Variants in TNFSF15 observed in about 807,000 individuals in gnomAD.
TNFSF15 encodes the protein tumor necrosis factor ligand superfamily member 15.
Under a neutral mutation model 26.4 loss-of-function variants are expected in TNFSF15, and 15 were observed. The ratio of observed to expected loss-of-function variants is 0.57; its 90% CI spans 0.38 to 0.87. The LOEUF (loss-of-function observed/expected upper bound fraction) is 0.87, where lower values mean the gene tolerates loss of function less well. Among genes scored for constraint, TNFSF15 ranks in the 40% least tolerant of loss-of-function variants. TNFSF15 has a pLI of 0.00. For synonymous variants in TNFSF15, 116 were observed against 115.0 expected (o/e 1.01, Z -0.06); for missense variants, 290 against 306.1 (o/e 0.95, Z 0.39).
rs553508023 is a variant in TNFSF15, at chr9:114,785,311, C to T, written c.*5141G>A. 1.7e-4 allele frequency: 26 copies of T among 152,214 alleles called. No individual in the cohort carries two copies. The highest frequency in any genetic ancestry group is 2.4e-4 in the Non-Finnish European group (16 of 68,038). 9.4% of individuals were successfully genotyped at this position (152,214 alleles called of 1,614,324 possible). ...TAACTTGGAATAAACTCCGCAGATA[C>T]TGTCATTTCTAAAATTCCATGACAT... On this transcript the variant is annotated 3_prime_UTR_variant, in exon 4 of 4. Coordinates refer to ENST00000374045, the MANE Select transcript of TNFSF15 (RefSeq NM_005118.4).
chr9:114,786,911 CAAAAAAAAAAAA>C lies in TNFSF15; in HGVS notation c.*3529_*3540del, dbSNP rs11429963. 1.2e-5 allele frequency: 1 copy of C among 80,324 alleles called. No homozygotes were observed. The highest frequency in any genetic ancestry group is 2.4e-5 in the Non-Finnish European group (1 of 41,364). 5.0% of individuals were successfully genotyped at this position (80,324 alleles called of 1,614,324 possible). A position where few individuals can be genotyped will look rare whatever the true frequency, so the allele number is the denominator to read the frequency against. On this transcript the variant is annotated 3_prime_UTR_variant, in exon 4 of 4. Transcript: ENST00000374045. ...TGGGTGACAAAGCAAGACTCTGTCTCAAAAAAAAAAAAAAAAAAAAAGAAAAAGAAATTTTAG... is the reference window on the plus strand; with the variant it reads ...TGGGTGACAAAGCAAGACTCTGTCTCAAAAAAAAAGAAAAAGAAATTTTAG...
At position 114,787,723 on chromosome 9, in the gene TNFSF15, A is replaced by G. The variant is rs1156263279; in HGVS notation, c.*2729T>C. Reference sequence around the variant, plus strand: ...ATGCCTTGGGAACAGAAGTTCTGACATGAGCCCTATTAGGAATGTCTGACT... The same window carrying G: ...ATGCCTTGGGAACAGAAGTTCTGACGTGAGCCCTATTAGGAATGTCTGACT... On this transcript the variant is annotated 3_prime_UTR_variant, in exon 4 of 4. Transcript: ENST00000374045. 6.5e-6 allele frequency: 1 copy of G among 153,774 alleles called. No homozygotes were observed. Among genetic ancestry groups the G allele is most frequent in the African/African-American group, 2.4e-5 (1 of 41,472 alleles). 9.5% of individuals were successfully genotyped at this position (153,774 alleles called of 1,614,324 possible). A position where few individuals can be genotyped will look rare whatever the true frequency, so the allele number is the denominator to read the frequency against.
intron 1 of TNFSF15, among the ~76,000 whole-genome samples, chr9:114,795,456 T>C (rs1261418581): frequency 6.6e-6 from 1 of 152,118 alleles, no homozygotes; most frequent in Non-Finnish European, 1.5e-5. Context: ...ATAATGCAAA[T>C]AACAAACAAT....
chr9:114,801,446 C>T (rs1438370528), intron 1 of TNFSF15, among the ~76,000 whole-genome samples: 3 of 152,104 alleles, frequency 2.0e-5, no homozygotes, highest in Non-Finnish European at 4.4e-5. Flanking sequence ...AAACATGGAC[C>T]AAGAAAATCC....
chr9:114,791,106 G>T, intron 3 of TNFSF15, 200 bp from the exon 4 acceptor site: 1 of 629,224 alleles, frequency 1.6e-6, no homozygotes, highest in Non-Finnish European at 2.8e-6. Flanking sequence ...TTGGACTAGT[G>T]ACCTGGGGCA....
intron 1 of TNFSF15, among the ~76,000 whole-genome samples, chr9:114,794,348 A>C (rs575931776): frequency 6.6e-6 from 1 of 152,346 alleles, no homozygotes; most frequent in South Asian, 2.1e-4. Flanking sequence ...CCTGAGCATA[A>C]AGCTTAATAG....
rs988321190 is a variant in TNFSF15, at chr9:114,785,303, C to T, written c.*5149G>A. 7 of 152,176 alleles carry T rather than the reference C, an allele frequency of 4.6e-5. No homozygotes were observed. Among genetic ancestry groups the T allele is most frequent in the Admixed American group, 2.0e-4 (3 of 15,278 alleles). The allele number at this position is 152,176 out of a possible 1,614,324, so 9.4% of individuals were successfully genotyped here. A position where few individuals can be genotyped will look rare whatever the true frequency, so the allele number is the denominator to read the frequency against. On this transcript the variant is annotated 3_prime_UTR_variant, in exon 4 of 4. Transcript: ENST00000374045. ...AAATGATATAACTTGGAATAAACTCCGCAGATACTGTCATTTCTAAAATTC... is the reference window on the plus strand; with the variant it reads ...AAATGATATAACTTGGAATAAACTCTGCAGATACTGTCATTTCTAAAATTC...
chr9:114,796,773 T>C (rs1818058705), intron 1 of TNFSF15, among the ~76,000 whole-genome samples: 2 of 152,188 alleles, frequency 1.3e-5, no homozygotes, highest in Non-Finnish European at 2.9e-5. Flanking sequence ...ATGGGAGTAG[T>C]TGGAAAACAT....
chr9:114,798,102 T>C (rs1327108255), intron 1 of TNFSF15, among the ~76,000 whole-genome samples: 1 of 152,206 alleles, frequency 6.6e-6, no homozygotes, highest in Non-Finnish European at 1.5e-5. Flanking sequence ...ATGTTTGTCA[T>C]TTAGTACGAG....
At chr9:114,793,120 A>C (rs1829628296) in intron 2 of TNFSF15, among the ~76,000 whole-genome samples, 1 of 152,204 alleles carries the variant, frequency 6.6e-6, no homozygotes, top group South Asian at 2.1e-4. Flanking sequence ...AAAAGCAAAA[A>C]TGAAGTGCAT....
At chr9:114,794,309 T>A (rs1418125061) in intron 1 of TNFSF15, among the ~76,000 whole-genome samples, 1 of 152,146 alleles carries the variant, frequency 6.6e-6, no homozygotes, top group East Asian at 1.9e-4. Context: ...AAAGAATGCA[T>A]GGAAAATGAA....
At position 114,788,613 on chromosome 9, in the gene TNFSF15, T is replaced by G. The variant is rs1414634210; in HGVS notation, c.*1839A>C. 6.6e-6 allele frequency: 1 copy of G among 152,248 alleles called. No individual in the cohort carries two copies. Among genetic ancestry groups the G allele is most frequent in the Non-Finnish European group, 1.5e-5 (1 of 68,036 alleles). 9.4% of individuals were successfully genotyped at this position (152,248 alleles called of 1,614,324 possible). ...ACTGGAAACCAGAGTGAGAGTGATT[T>G]TGGTGCCAAATTTCCTCTCAGACTC... On this transcript the variant is annotated 3_prime_UTR_variant, in exon 4 of 4. Transcript: ENST00000374045.
intron 1 of TNFSF15, among the ~76,000 whole-genome samples, chr9:114,802,476 C>T (rs1002926656): frequency 5.3e-5 from 8 of 152,210 alleles, no homozygotes; most frequent in African/African-American, 1.7e-4. Context: ...TGGTCTCGAT[C>T]TCCTGACCTC....
At chr9:114,802,708 A>C (rs1455515285) in intron 1 of TNFSF15, among the ~76,000 whole-genome samples, 2 of 152,154 alleles carry the variant, frequency 1.3e-5, no homozygotes, top group African/African-American at 2.4e-5. Flanking sequence ...TTGCCATCTG[A>C]AGTTCTTCAA....
intron 1 of TNFSF15, among the ~76,000 whole-genome samples, chr9:114,804,929 A>G (rs374776138): frequency 1.1e-4 from 16 of 152,322 alleles, no homozygotes; most frequent in African/African-American, 3.8e-4. Flanking sequence ...CTGAAATGAA[A>G]TCAGCCACCA....
chr9:114,788,137 A>G lies in TNFSF15; in HGVS notation c.*2315T>C, dbSNP rs1415461864. ...TTGAGGAAACATTCTTGATCTACCA[A>G]TAAATATTGTCCTAGGAATTGGTTG... On this transcript the variant is annotated 3_prime_UTR_variant, in exon 4 of 4. Transcript: ENST00000374045. 3 of 153,770 alleles carry G rather than the reference A, an allele frequency of 2.0e-5. No individual in the cohort carries two copies. The highest frequency in any genetic ancestry group is 2.9e-5 in the Non-Finnish European group (2 of 68,040). 9.5% of individuals were successfully genotyped at this position (153,770 alleles called of 1,614,324 possible).
chr9:114,790,745 A>G lies in TNFSF15; in HGVS notation c.463T>C (p.Phe155Leu), dbSNP rs763364067. 1.9e-6 allele frequency: 3 copies of G among 1,614,096 alleles called. No homozygotes were observed. The South Asian group carries it at 3.3e-5, about 18-fold the overall frequency. ...CTGCACTCAGAGGTCATCCCACGGAATGTGACCTGGGAGTAAATGAAGTAG... is the reference window on the plus strand; with the variant it reads ...CTGCACTCAGAGGTCATCCCACGGAGTGTGACCTGGGAGTAAATGAAGTAG... ...GDYFIYSQVTFRGMTSECSEI... is the reference protein window; with the variant it reads ...GDYFIYSQVTLRGMTSECSEI... The change falls in exon 4 of 4, where the codon TTC (phenylalanine) becomes CTC (leucine). Residue 155 changes from phenylalanine to leucine, a missense_variant. Physicochemically the swap from Phe to Leu is conservative, Grantham distance 22 (BLOSUM62 0). Coordinates refer to ENST00000374045, the MANE Select transcript of TNFSF15 (RefSeq NM_005118.4).
At position 114,785,451 on chromosome 9, in the gene TNFSF15, A is replaced by C. The variant is rs1157644574; in HGVS notation, c.*5001T>G. On this transcript the variant is annotated 3_prime_UTR_variant, in exon 4 of 4. Transcript: ENST00000374045. ...AGGCCTGCCAGGTTTGTAATGATCA[A>C]CTAGAACACATGGAAGTCAATGAAC... The C allele has an allele frequency of 6.6e-6, 1 of 152,244 alleles. No individual in the cohort carries two copies. The highest frequency in any genetic ancestry group is 1.5e-5 in the Non-Finnish European group (1 of 68,034). 9.4% of individuals were successfully genotyped at this position (152,244 alleles called of 1,614,324 possible).
intron 1 of TNFSF15, among the ~76,000 whole-genome samples, chr9:114,800,472 G>A (rs1324733401): frequency 6.6e-6 from 1 of 152,122 alleles, no homozygotes; most frequent in Non-Finnish European, 1.5e-5. Flanking sequence ...ATACTTGGTT[G>A]GACTTATTCC....
Sources: allele counts gnomAD v4.1 joint callset (sites outside exome capture counted in the v4.1 genomes callset), GRCh38; gene constraint gnomAD v4.1.1; transcripts MANE v1.5; gene names NCBI Gene and HGNC (gene_info 2026-07-23, HGNC 2026-07-21).